The following SH3GLB1 variants were observed in gnomAD, a reference collection of about 807,000 sequenced individuals.
SH3GLB1 encodes the protein SH3 domain containing GRB2 like, endophilin B1.
A neutral mutation model predicts 42.0 loss-of-function variants in SH3GLB1; 17 were observed. The observed-to-expected ratio is 0.40, with a 90% CI of 0.28 to 0.61. The LOEUF (loss-of-function observed/expected upper bound fraction) is 0.61. Among genes scored for constraint, SH3GLB1 ranks in the 20% least tolerant of loss-of-function variants. The pLI is 0.36. For synonymous variants in SH3GLB1, 132 were observed against 146.6 expected, an observed-to-expected ratio of 0.90 and a Z score of 0.72; for missense variants, 355 against 426.3, an observed-to-expected ratio of 0.83 and a Z score of 1.47.
intron 5 of SH3GLB1, chr1:86,730,101 A>G: frequency 1.3e-6 from 2 of 1,595,680 alleles, no homozygotes; most frequent in Non-Finnish European, 1.7e-6. Flanking sequence ...TGGGCAGAGG[A>G]GGTGACAAAA....
chr1:86,712,589 A>G (rs1050385252), intron 1 of SH3GLB1, among the ~76,000 whole-genome samples: 1 of 152,198 alleles, frequency 6.6e-6, no homozygotes, highest in Non-Finnish European at 1.5e-5. Flanking sequence ...TTTTGAACAT[A>G]CACTAAGCCT....
In SH3GLB1 at chr1:86,748,098, A is replaced by G. The variant is rs1656389464; in HGVS notation, c.*4863A>G. On this transcript the variant is annotated 3_prime_UTR_variant, in exon 9 of 9. Coordinates refer to ENST00000370558, the MANE Select transcript of SH3GLB1 (RefSeq NM_016009.5). ...TTCTACATCTCTTAATGGCTGCATG[A>G]TATTCCATCATATGTGCCACATTTT... 1 of 152,064 alleles carries G rather than the reference A, an allele frequency of 6.6e-6. No individual in the cohort carries two copies. The highest frequency in any genetic ancestry group is 2.4e-5 in the African/African-American group (1 of 41,398). 9.4% of individuals were successfully genotyped at this position (152,064 alleles called of 1,614,324 possible).
intron 3 of SH3GLB1, among the ~76,000 whole-genome samples, chr1:86,721,973 A>G (rs1416197019): frequency 3.3e-5 from 5 of 150,356 alleles, no homozygotes; most frequent in Non-Finnish European, 7.4e-5. Flanking sequence ...ATGACAAGGG[A>G]GAAAAGTCTG....
intron 1 of SH3GLB1, among the ~76,000 whole-genome samples, chr1:86,709,873 G>A (rs760886340): frequency 4.4e-4 from 67 of 152,244 alleles, no homozygotes; most frequent in Non-Finnish European, 8.7e-4. Context: ...TGTGTCTAAG[G>A]ATGTAAAGAT....
chr1:86,734,784 A>C, intron 6 of SH3GLB1, 93 bp downstream of exon 6: 1 of 816,168 alleles, frequency 1.2e-6, no homozygotes, highest in Non-Finnish European at 2.0e-6. Flanking sequence ...TCAGTCATTC[A>C]TCAAGGAAAT....
At position 86,705,361 on chromosome 1, in the gene SH3GLB1, C is replaced by T. The variant is rs557924145; in HGVS notation, c.72+390C>T. On this transcript the variant is annotated intron_variant, in intron 1 of 8. Coordinates refer to ENST00000370558, the MANE Select transcript of SH3GLB1 (RefSeq NM_016009.5). Reference sequence around the variant, plus strand: ...CACAGGCCATTCTTGCACTACCCCCCACCCTTTCCTTTCGTCTCTCACCCT... The same window carrying T: ...CACAGGCCATTCTTGCACTACCCCCTACCCTTTCCTTTCGTCTCTCACCCT... Among the ~76,000 whole-genome samples the T allele has an allele frequency of 4.6e-5, 7 of 152,306 alleles. No homozygotes were observed. The South Asian group carries it at 1.2e-3, about 27-fold the overall frequency.
rs1243633326 is a variant in SH3GLB1 at position 86,704,651 on chromosome 1, G to A, written c.-249G>A. On this transcript the variant is annotated 5_prime_UTR_variant, in exon 1 of 9. Coordinates refer to ENST00000370558, the MANE Select transcript of SH3GLB1 (RefSeq NM_016009.5). ...CGGCTCGCCCGCGGGGCCCATCGTC[G>A]ACGTTAGCGGCCGTTCTCCGAGCCG... 1 of 353,766 alleles carries A rather than the reference G, an allele frequency of 2.8e-6. No individual in the cohort carries two copies. The highest frequency in any genetic ancestry group is 2.2e-5 in the African/African-American group (1 of 45,914). The allele number at this position is 353,766 out of a possible 1,614,324, so 21.9% of individuals were successfully genotyped here.
intron 3 of SH3GLB1, among the ~76,000 whole-genome samples, chr1:86,721,872 A>G (rs1189135099): frequency 6.6e-6 from 1 of 152,196 alleles, no homozygotes; most frequent in Non-Finnish European, 1.5e-5. Context: ...TAGTGTTTGC[A>G]TATAACCTAT....
chr1:86,709,124 G>T (rs1170457384), intron 1 of SH3GLB1, among the ~76,000 whole-genome samples: 1 of 152,168 alleles, frequency 6.6e-6, no homozygotes, highest in Non-Finnish European at 1.5e-5. Flanking sequence ...CAAATGATGA[G>T]GTGGCACTTT....
Position 86,747,251 on chromosome 1 carries a change from G to A in SH3GLB1, c.*4016G>A, listed in dbSNP as rs376906. 0.088 allele frequency: 13,434 copies of A among 152,570 alleles called. 855 individuals are homozygous for A. The highest frequency in any genetic ancestry group is 0.16 in the East Asian group (853 of 5,174). The allele number at this position is 152,570 out of a possible 1,614,324, so 9.5% of individuals were successfully genotyped here. A position where few individuals can be genotyped will look rare whatever the true frequency, so the allele number is the denominator to read the frequency against. ...TCCCAACTCTTAGCACAAGATCTAG[G>A]ACATAGTATGAACTCAATAAATTTT... On this transcript the variant is annotated 3_prime_UTR_variant, in exon 9 of 9. Transcript: ENST00000370558.
chr1:86,747,337 C>CT lies in SH3GLB1; in HGVS notation c.*4103dup, dbSNP rs537534266. ...TTTCAGAGACCTACTGAATCAAACT[C>CT]TGAGAGTGGAGCCCAGCAATCTGTT... On this transcript the variant is annotated 3_prime_UTR_variant, in exon 9 of 9. Coordinates refer to ENST00000370558, the MANE Select transcript of SH3GLB1 (RefSeq NM_016009.5). 182 of 152,662 alleles carry CT rather than the reference C, an allele frequency of 1.2e-3. No homozygotes were observed. Among genetic ancestry groups the CT allele is most frequent in the African/African-American group, 4.1e-3 (171 of 41,570 alleles). 9.5% of individuals were successfully genotyped at this position (152,662 alleles called of 1,614,324 possible).
At chr1:86,722,008 A>ATTTTT (rs1654888114) in intron 3 of SH3GLB1, among the ~76,000 whole-genome samples, 1 of 107,282 alleles carries the variant, frequency 9.3e-6, no homozygotes, top group Non-Finnish European at 1.8e-5. Context: ...AGAGGCAACC[A>ATTTTT]TCTTTTTTTT....
rs370892729 is a variant in SH3GLB1, at chr1:86,734,642, G to A, written c.611G>A (p.Arg204His). ...AGAATAACTCAAAGTGAATTTGATC[G>A]TCAAGCAGAGATTACCAGACTTCTG... ...ELRITQSEFD[R>H]QAEITRLLLE... is the part of the protein sequence containing the mutation. The change falls in exon 6 of 9, where the codon CGT becomes CAT. Residue 204 changes from arginine (R) to histidine (H), a missense_variant. Physicochemically the swap from Arg to His is conservative, Grantham distance 29. Coordinates refer to ENST00000370558, the MANE Select transcript of SH3GLB1 (RefSeq NM_016009.5). 2.2e-5 allele frequency: 36 copies of A among 1,613,044 alleles called. No individual in the cohort carries two copies. Among genetic ancestry groups the A allele is most frequent in the African/African-American group, 6.7e-5 (5 of 74,876 alleles).
intron 4 of SH3GLB1, 72 bp downstream of exon 4, chr1:86,722,745 C>A (rs1416418349): frequency 1.5e-6 from 2 of 1,290,344 alleles, no homozygotes; most frequent in African/African-American, 1.5e-5. Flanking sequence ...AATAATTTGG[C>A]CTCTTAATGA....
intron 1 of SH3GLB1, 22 bp downstream of exon 1, chr1:86,704,993 A>C: frequency 6.5e-7 from 1 of 1,536,022 alleles, no homozygotes; most frequent in Non-Finnish European, 8.8e-7. Context: ...CTGGGGGGAA[A>C]AGGGGTGGCG....
chr1:86,737,341 G>A (rs1655824523), intron 7 of SH3GLB1, among the ~76,000 whole-genome samples: 1 of 152,058 alleles, frequency 6.6e-6, no homozygotes. Context: ...AATTGACATA[G>A]GTACACTTCA....
At chr1:86,727,301 A>G (rs1241048602) in intron 5 of SH3GLB1, among the ~76,000 whole-genome samples, 2 of 151,986 alleles carry the variant, frequency 1.3e-5, no homozygotes, top group Non-Finnish European at 2.9e-5. Flanking sequence ...TCAAAAATAT[A>G]CCAATTAAGC....
At chr1:86,719,776 A>ACT in intron 3 of SH3GLB1, 141 bp downstream of exon 3, 1 of 675,324 alleles carries the variant, frequency 1.5e-6, no homozygotes, top group Non-Finnish European at 2.3e-6. Flanking sequence ...TGGGCGGATC[A>ACT]TGAGGTCAGG....
chr1:86,717,478 G>A (rs1485677843), intron 2 of SH3GLB1, among the ~76,000 whole-genome samples: 1 of 152,074 alleles, frequency 6.6e-6, no homozygotes. Flanking sequence ...GGAGTGCAGT[G>A]GTGTGATCTT....
Sources: allele counts gnomAD v4.1 joint callset (sites outside exome capture counted in the v4.1 genomes callset), GRCh38; gene constraint gnomAD v4.1.1; transcripts MANE v1.5; gene names NCBI Gene and HGNC (gene_info 2026-07-23, HGNC 2026-07-21).